PPFIA2: variants seen among roughly 807,000 people sequenced by gnomAD.
The protein encoded by PPFIA2 is liprin-alpha-2.
Under a neutral mutation model 175.5 loss-of-function variants are expected in PPFIA2, and 46 were observed. The ratio of observed to expected loss-of-function variants is 0.26; its 90% CI spans 0.21 to 0.34. PPFIA2 has a LOEUF of 0.34. Ranked by LOEUF, PPFIA2 falls within the 10% of genes least tolerant of loss-of-function variation. The pLI is 1.00. For missense variants in PPFIA2, 1,179 were observed against 1,506.1 expected, an observed-to-expected ratio of 0.78 and a Z score of 3.60; for synonymous variants, 568 against 511.4, an observed-to-expected ratio of 1.11 and a Z score of -1.49.
chr12:81,668,072 A>G (rs1454628371), intron 4 of PPFIA2, among the ~76,000 whole-genome samples: 1 of 152,102 alleles, frequency 6.6e-6, no homozygotes, highest in African/African-American at 2.4e-5. Context: ...GGGACATCCC[A>G]TGCTACACAG....
chr12:81,449,482 T>C (rs1278493365), intron 5 of PPFIA2, among the ~76,000 whole-genome samples: 2 of 145,680 alleles, frequency 1.4e-5, no homozygotes, highest in African/African-American at 4.9e-5. Flanking sequence ...ACAACATTAC[T>C]TCAGACAAAA....
chr12:81,432,722 G>T (rs1233789893), intron 7 of PPFIA2, among the ~76,000 whole-genome samples: 1 of 151,964 alleles, frequency 6.6e-6, no homozygotes, highest in African/African-American at 2.4e-5. Context: ...CTCCCAAAGT[G>T]CTGGGATTAC....
chr12:81,363,425 A>G, intron 14 of PPFIA2, among the ~76,000 whole-genome samples: 1 of 151,686 alleles, frequency 6.6e-6, no homozygotes, highest in East Asian at 1.9e-4. Context: ...ATTTTCTCAA[A>G]TTGGCATTTT....
intron 22 of PPFIA2, among the ~76,000 whole-genome samples, chr12:81,303,733 A>G (rs993974730): frequency 1.3e-5 from 2 of 152,216 alleles, no homozygotes; most frequent in Non-Finnish European, 2.9e-5. Context: ...CTATGCCTGA[A>G]CTGAAGACAG....
At chr12:81,493,293 A>C (rs1415931032) in intron 4 of PPFIA2, among the ~76,000 whole-genome samples, 1 of 152,014 alleles carries the variant, frequency 6.6e-6, no homozygotes, top group Non-Finnish European at 1.5e-5. Context: ...AAATTGCTAA[A>C]GGTATGAGAT....
At chr12:81,445,362 G>T (rs945940263) in intron 6 of PPFIA2, among the ~76,000 whole-genome samples, 194 bp downstream of exon 6, 2 of 152,004 alleles carry the variant, frequency 1.3e-5, no homozygotes, top group East Asian at 3.9e-4. Flanking sequence ...TTTAGAAAAA[G>T]AAGATGTTTA....
chr12:81,385,749 A>C (rs1022312004), intron 8 of PPFIA2, among the ~76,000 whole-genome samples: 1 of 152,294 alleles, frequency 6.6e-6, no homozygotes, highest in African/African-American at 2.4e-5. Flanking sequence ...TTAGTCAAAG[A>C]GTAAAATAAT....
chr12:81,559,784 T>A (rs917282513), intron 4 of PPFIA2, among the ~76,000 whole-genome samples: 1 of 149,470 alleles, frequency 6.7e-6, no homozygotes, highest in African/African-American at 2.5e-5. Context: ...TACCCAATGC[T>A]TTTTACATGA....
intron 4 of PPFIA2, among the ~76,000 whole-genome samples, chr12:81,492,723 T>C (rs967290904): frequency 6.6e-6 from 1 of 152,148 alleles, no homozygotes; most frequent in Non-Finnish European, 1.5e-5. Context: ...TGGGCTATTA[T>C]GAGAACTTGG....
chr12:81,327,781 A>G (rs1161093655), intron 21 of PPFIA2, among the ~76,000 whole-genome samples: 1 of 152,206 alleles, frequency 6.6e-6, no homozygotes, highest in Non-Finnish European at 1.5e-5. Flanking sequence ...AACTTGAAAT[A>G]AAAGCAAAGA....
intron 3 of PPFIA2, among the ~76,000 whole-genome samples, chr12:81,685,316 A>G (rs2074275170): frequency 6.6e-6 from 1 of 152,186 alleles, no homozygotes; most frequent in African/African-American, 2.4e-5. Flanking sequence ...ACAACATTAT[A>G]GGGTAAATTT....
At position 81,746,245 on chromosome 12, in the gene PPFIA2, T is replaced by C. The variant is rs1269699489; in HGVS notation, c.249+7728A>G. Among the ~76,000 whole-genome samples the C allele has an allele frequency of 3.5e-5, 5 of 144,372 alleles. 1 individual carries two copies. 94.7% of individuals were successfully genotyped at this position (144,372 alleles called of 152,430 possible). ...TGTTATTGAACACTTAAGAAGTAAC[T>C]ACATAAGGAATTGGCCACAAGAAAA... On this transcript the variant is annotated intron_variant, in intron 3 of 32. Coordinates refer to ENST00000549396, the MANE Select transcript of PPFIA2 (RefSeq NM_003625.5).
intron 3 of PPFIA2, among the ~76,000 whole-genome samples, chr12:81,696,418 T>C (rs138012675): frequency 2.0e-5 from 3 of 152,260 alleles, no homozygotes; most frequent in East Asian, 3.9e-4. Flanking sequence ...TGTGGTAGCA[T>C]AATTTCATCA....
At chr12:81,499,357 T>C (rs1421798014) in intron 4 of PPFIA2, among the ~76,000 whole-genome samples, 1 of 152,238 alleles carries the variant, frequency 6.6e-6, no homozygotes, top group Non-Finnish European at 1.5e-5. Context: ...ATTATCTCTT[T>C]CATTTTATCT....
intron 7 of PPFIA2, among the ~76,000 whole-genome samples, chr12:81,407,052 T>C (rs2043063641): frequency 6.6e-6 from 1 of 152,190 alleles, no homozygotes; most frequent in Non-Finnish European, 1.5e-5. Context: ...ATATGTTCTT[T>C]TCTCTCGTAT....
chr12:81,522,061 T>C (rs1395670912), intron 4 of PPFIA2, among the ~76,000 whole-genome samples: 3 of 152,206 alleles, frequency 2.0e-5, no homozygotes, highest in Non-Finnish European at 4.4e-5. Context: ...GTACATATAC[T>C]TGTTCCATAA....
chr12:81,636,328 G>C (rs1482569184), intron 4 of PPFIA2, among the ~76,000 whole-genome samples: 2 of 148,332 alleles, frequency 1.3e-5, no homozygotes, highest in Non-Finnish European at 3.0e-5. Context: ...TGCAGTGGCG[G>C]GATCTCGGCT....
chr12:81,299,826 G>C (rs1460182927), intron 22 of PPFIA2, among the ~76,000 whole-genome samples: 3 of 152,076 alleles, frequency 2.0e-5, no homozygotes, highest in Non-Finnish European at 2.9e-5. Flanking sequence ...GATAAATTTG[G>C]TCCTTTTAGT....
At chr12:81,636,508 G>A (rs1044530732) in intron 4 of PPFIA2, among the ~76,000 whole-genome samples, 1 of 149,710 alleles carries the variant, frequency 6.7e-6, no homozygotes, top group African/African-American at 2.5e-5. Flanking sequence ...CTCGTGATCC[G>A]CCCGCCTCGG....
Sources: gnomAD v4.1 joint callset for allele counts (sites outside exome capture counted in the v4.1 genomes callset) on GRCh38, gnomAD v4.1.1 for gene constraint, MANE v1.5 for transcripts, NCBI Gene and HGNC (gene_info 2026-07-23, HGNC 2026-07-21) for gene names.